The following ATP10A variants were observed in gnomAD, a reference collection of about 807,000 sequenced individuals.
ATP10A encodes ATPase phospholipid transporting 10A (putative), also known as phospholipid-transporting ATPase VA.
ATP10A carries 111 observed loss-of-function variants against 147.8 expected under a neutral mutation model. The ratio of observed to expected loss-of-function variants is 0.75; its 90% confidence interval spans 0.64 to 0.88. The LOEUF (loss-of-function observed/expected upper bound fraction) is 0.88, where lower values mean the gene tolerates loss of function less well. Among genes scored for constraint, ATP10A ranks in the 40% least tolerant of loss-of-function variants. The probability of loss-of-function intolerance (pLI) is 0.00; values close to 1 mark genes in which losing one functional copy is unlikely to be tolerated. For synonymous variants in ATP10A, 875 were observed against 841.6 expected (o/e 1.04, Z -0.69); for missense variants, 1,927 against 1,959.0 (o/e 0.98, Z 0.31).
intron 9 of ATP10A, among the ~76,000 whole-genome samples, chr15:25,715,203 T>A (rs1901721062): frequency 6.6e-6 from 1 of 152,228 alleles, no homozygotes; most frequent in Non-Finnish European, 1.5e-5. Context: ...GCAAGGTGCA[T>A]AGAGCCAGAT....
chr15:25,858,546 T>C (rs79464278), intron 1 of ATP10A, among the ~76,000 whole-genome samples: 4,353 of 152,142 alleles, frequency 0.029, 243 homozygotes, highest in African/African-American at 0.098. Flanking sequence ...TGCTCAGCTC[T>C]TCCAAAACAA....
intron 2 of ATP10A, among the ~76,000 whole-genome samples, chr15:25,769,231 A>T (rs1219941663): frequency 6.6e-6 from 1 of 152,116 alleles, no homozygotes; most frequent in Non-Finnish European, 1.5e-5. Flanking sequence ...TTACACCTGT[A>T]ATCCCAGCAC....
intron 2 of ATP10A, among the ~76,000 whole-genome samples, chr15:25,761,754 C>A (rs4906767): frequency 0.44 from 66,731 of 152,078 alleles, 16,080 homozygotes; most frequent in Non-Finnish European, 0.55. Flanking sequence ...AGTGCCTGTT[C>A]CCCCATTGTA....
At chr15:25,701,144 C>T (rs775075722) in intron 13 of ATP10A, among the ~76,000 whole-genome samples, 36 of 152,174 alleles carry the variant, frequency 2.4e-4, no homozygotes, top group Non-Finnish European at 4.0e-4. Flanking sequence ...GCCTTTCCTA[C>T]GCTTACAGAT....
upstream of ATP10A, among the ~76,000 whole-genome samples, chr15:25,863,986 G>A (rs554178203): frequency 8.5e-4 from 130 of 152,272 alleles, no homozygotes; most frequent in African/African-American, 2.9e-3. Flanking sequence ...TATCGCTATA[G>A]CAAAGACAGA....
chr15:25,699,408 T>A (rs534641299), intron 13 of ATP10A, among the ~76,000 whole-genome samples: 3 of 152,294 alleles, frequency 2.0e-5, no homozygotes, highest in African/African-American at 7.2e-5. Context: ...AAAGATGAAG[T>A]CTAACCTAAC....
chr15:25,711,276 G>A (rs1279569575), intron 10 of ATP10A, among the ~76,000 whole-genome samples: 1 of 152,056 alleles, frequency 6.6e-6, no homozygotes, highest in African/African-American at 2.4e-5. Context: ...GTCTGGAGTG[G>A]GACACCTCTG....
chr15:25,806,910 C>T lies in ATP10A; in HGVS notation c.450-25687G>A, dbSNP rs73366995. Among the ~76,000 whole-genome samples, 523 of 152,296 alleles carry T rather than the reference C, an allele frequency of 3.4e-3. 4 individuals are homozygous for T. The highest frequency in any genetic ancestry group is 0.012 in the African/African-American group (510 of 41,570). ...CTTACTTCAAACTATAACTCCTTCC[C>T]TTTCTCCAGAAACTGAAGGGAATGT... On this transcript the variant is annotated intron_variant, in intron 1 of 20. Coordinates refer to ENST00000555815, the MANE Select transcript of ATP10A (RefSeq NM_024490.4).
In ATP10A at chr15:25,685,467, G is replaced by A. The variant is rs944499958; in HGVS notation, c.3292-1981C>T. 7.2e-5 allele frequency among the ~76,000 whole-genome samples: 11 copies of A among 152,058 alleles called. No individual in the cohort carries two copies. In the East Asian group the frequency reaches 1.9e-3, roughly 27 times the overall value. On this transcript the variant is annotated intron_variant, in intron 16 of 20. Coordinates refer to ENST00000555815, the MANE Select transcript of ATP10A (RefSeq NM_024490.4). The stretch of plus-strand genomic sequence containing the variant: ...CCTACATCATTCTTGCCCTCCCTTC[G>A]ATCTGAGACATTTTAACTGGGAATT...
rs1388945985 is a variant in ATP10A, at chr15:25,695,144, C to T, written c.2763G>A (p.Glu921=). ...EVITLNATSQ[E]ACAALLDQCL... Reference sequence around the variant, plus strand: ...ACTGGTCTAGCAGGGCTGCACACGCCTCCTGAAAGGGACATGAGAGGACAG... The same window carrying T: ...ACTGGTCTAGCAGGGCTGCACACGCTTCCTGAAAGGGACATGAGAGGACAG... The change falls in exon 14 of 21, where the codon GAG becomes GAA. Residue 921 remains glutamate, a splice_region_variant and synonymous_variant. Transcript: ENST00000555815. The T allele has an allele frequency of 3.1e-6, 5 of 1,608,470 alleles. No homozygotes were observed. The highest frequency in any genetic ancestry group is 4.3e-6 in the Non-Finnish European group (5 of 1,176,282).
chr15:25,733,245 C>T (rs1419230261), intron 3 of ATP10A, among the ~76,000 whole-genome samples: 1 of 152,170 alleles, frequency 6.6e-6, no homozygotes, highest in Non-Finnish European at 1.5e-5. Flanking sequence ...GGTGGCTCTG[C>T]AGCTGAGCCA....
chr15:25,782,106 T>C (rs1026050486), intron 1 of ATP10A, among the ~76,000 whole-genome samples: 11 of 152,296 alleles, frequency 7.2e-5, no homozygotes, highest in African/African-American at 2.4e-4. Context: ...TATCCAGTCA[T>C]GAAGAGAAGT....
At chr15:25,862,260 G>A (rs1198775569) in intron 1 of ATP10A, 1 of 481,090 alleles carries the variant, frequency 2.1e-6, no homozygotes, top group Non-Finnish European at 4.1e-6. Context: ...CACTGTGCCT[G>A]GCCGAAGACT....
chr15:25,700,948 G>A (rs1207854319), intron 13 of ATP10A, among the ~76,000 whole-genome samples: 1 of 151,766 alleles, frequency 6.6e-6, no homozygotes, highest in African/African-American at 2.4e-5. Context: ...AAAAGGCCCT[G>A]GTGAAGGCAC....
intron 1 of ATP10A, among the ~76,000 whole-genome samples, chr15:25,796,273 T>C (rs1171299017): frequency 1.3e-5 from 2 of 152,100 alleles, no homozygotes; most frequent in Non-Finnish European, 2.9e-5. Context: ...GGTGTGGTGG[T>C]GTACCCCTGT....
chr15:25,816,933 A>G lies in ATP10A; in HGVS notation c.450-35710T>C, dbSNP rs371898636. Among the ~76,000 whole-genome samples the G allele has an allele frequency of 2.0e-5, 3 of 152,070 alleles. No individual in the cohort carries two copies. In the South Asian group the frequency reaches 6.2e-4, roughly 32 times the overall value. On this transcript the variant is annotated intron_variant, in intron 1 of 20. Coordinates refer to ENST00000555815, the MANE Select transcript of ATP10A (RefSeq NM_024490.4). Reference sequence around the variant, plus strand: ...TCTGTTGTATCTTACACTCTTGGCTATAAACGGTGTGGGCCTCTAACCTAA... The same window carrying G: ...TCTGTTGTATCTTACACTCTTGGCTGTAAACGGTGTGGGCCTCTAACCTAA...
chr15:25,696,680 G>A (rs958993089), intron 13 of ATP10A, among the ~76,000 whole-genome samples: 1 of 152,238 alleles, frequency 6.6e-6, no homozygotes, highest in Non-Finnish European at 1.5e-5. Flanking sequence ...AGGCACCAGG[G>A]AACCTGGACG....
At chr15:25,724,154 A>C in intron 5 of ATP10A, 133 bp from the exon 6 acceptor site, 1 of 1,018,956 alleles carries the variant, frequency 9.8e-7, no homozygotes, top group Non-Finnish European at 1.4e-6. Flanking sequence ...CAGCTTTGCC[A>C]TGTCAGAAAG....
chr15:25,802,641 T>C (rs1890993205), intron 1 of ATP10A, among the ~76,000 whole-genome samples: 1 of 152,202 alleles, frequency 6.6e-6, no homozygotes, highest in Non-Finnish European at 1.5e-5. Flanking sequence ...TTCTGCAGGC[T>C]ACCTGCATGC....
Sources: allele counts gnomAD v4.1 joint callset (sites outside exome capture counted in the v4.1 genomes callset), GRCh38; gene constraint gnomAD v4.1.1; transcripts MANE v1.5; gene names NCBI Gene and HGNC (gene_info 2026-07-23, HGNC 2026-07-21).